Variants in SLAIN2 observed in about 807,000 individuals in gnomAD.
SLAIN2 encodes the protein SLAIN motif-containing protein 2.
SLAIN2 carries 31 observed loss-of-function variants against 56.6 expected under a neutral mutation model. That is an observed-to-expected ratio of 0.55 (90% CI 0.41 to 0.74). The LOEUF (loss-of-function observed/expected upper bound fraction) is 0.74. Among genes scored for constraint, SLAIN2 ranks in the 30% least tolerant of loss-of-function variants. The pLI, the probability that SLAIN2 is intolerant of heterozygous loss-of-function variation, is 0.00. For synonymous variants in SLAIN2, 317 were observed against 284.9 expected (o/e 1.11, Z -1.13); for missense variants, 777 against 754.2 (o/e 1.03, Z -0.35).
rs1577724395 is a variant in SLAIN2, at chr4:48,383,666, T to G, written c.1242T>G (p.Leu414=). The change falls in exon 6 of 8, where the codon CTT becomes CTG. Residue 414 remains leucine (L), a synonymous_variant. Transcript: ENST00000264313. ...VKNEEKLRRS[L]PNLSRTSNTQ... The stretch of plus-strand genomic sequence containing the variant: ...TTGCAGAAAAACTAAGACGCAGTCT[T>G]CCAAACCTGTCCCGAACATCTAATA... The G allele has an allele frequency of 6.3e-7, 1 of 1,597,332 alleles. No homozygotes were observed. Among genetic ancestry groups the G allele is most frequent in the South Asian group, 1.1e-5 (1 of 88,240 alleles).
intron 2 of SLAIN2, among the ~76,000 whole-genome samples, chr4:48,376,580 ATTTT>A (rs1169794654): frequency 2.3e-5 from 3 of 129,106 alleles, no homozygotes; most frequent in Admixed American, 2.3e-4. Context: ...TGCATAGCAC[ATTTT>A]TTTTTTCTTT....
chr4:48,346,049 A>G (rs1218036280), intron 1 of SLAIN2, among the ~76,000 whole-genome samples: 3 of 152,226 alleles, frequency 2.0e-5, no homozygotes, highest in Non-Finnish European at 2.9e-5. Context: ...ATTCTTACCT[A>G]CAATGAAGAA....
In SLAIN2 at chr4:48,378,046, T is replaced by G. The variant is rs759964362; in HGVS notation, c.689T>G (p.Leu230Arg). The change falls in exon 3 of 8, where the codon CTT (leucine) becomes CGT (arginine). Residue 230 changes from leucine to arginine, a missense_variant. Leu to Arg is a moderately radical substitution (Grantham distance 102). Transcript: ENST00000264313. The stretch of plus-strand genomic sequence containing the variant: ...CCTCCTATAGTCAAACAGCTTATAC[T>G]TCCTGGAAATTCAGGTAAGGAGAAA... ...VRPPIVKQLI[L>R]PGNSGNLKSS... 1.9e-6 allele frequency: 3 copies of G among 1,612,316 alleles called. No homozygotes were observed. The highest frequency in any genetic ancestry group is 4.5e-5 in the East Asian group (2 of 44,858).
intron 1 of SLAIN2, among the ~76,000 whole-genome samples, chr4:48,359,217 C>G (rs1715252009): frequency 6.6e-6 from 1 of 152,064 alleles, no homozygotes; most frequent in Admixed American, 6.5e-5. Flanking sequence ...GTTGGGGATT[C>G]TGCATTGAAC....
At chr4:48,356,929 CTG>C (rs1333326326) in intron 1 of SLAIN2, among the ~76,000 whole-genome samples, 1 of 152,062 alleles carries the variant, frequency 6.6e-6, no homozygotes, top group Non-Finnish European at 1.5e-5. Flanking sequence ...TTTGGGTTCA[CTG>C]TGTTGTGTTG....
At chr4:48,404,341 A>G (rs569977776) in intron 6 of SLAIN2, among the ~76,000 whole-genome samples, 81 of 152,334 alleles carry the variant, frequency 5.3e-4, no homozygotes, top group Admixed American at 2.2e-3. Context: ...ATTCAAAATT[A>G]AAAATTGTCT....
At chr4:48,390,534 CTAGT>C (rs1428538535) in intron 6 of SLAIN2, among the ~76,000 whole-genome samples, 1 of 151,884 alleles carries the variant, frequency 6.6e-6, no homozygotes, top group Non-Finnish European at 1.5e-5. Flanking sequence ...TATCATGAAA[CTAGT>C]TATAGTACTA....
At chr4:48,377,333 C>A (rs1304661251) in intron 2 of SLAIN2, among the ~76,000 whole-genome samples, 1 of 119,720 alleles carries the variant, frequency 8.4e-6, no homozygotes, top group Non-Finnish European at 1.7e-5. Flanking sequence ...CCATGCCTGG[C>A]TAATTTTTTT....
chr4:48,344,889 T>C (rs1280192187), intron 1 of SLAIN2, among the ~76,000 whole-genome samples: 1 of 152,190 alleles, frequency 6.6e-6, no homozygotes, highest in Non-Finnish European at 1.5e-5. Flanking sequence ...GCTAAGCTGA[T>C]TTTGTGACCC....
rs1395630723 is a variant in SLAIN2 at position 48,342,145 on chromosome 4, G to A, written c.389+17G>A. ...GGAGAGCTGGTGAGCGCGAGGCGCC[G>A]GGCAGGAGCTGGGCGGGGACGGGCC... On this transcript the variant is annotated intron_variant, in intron 1 of 7. Transcript: ENST00000264313. 1.5e-6 allele frequency: 2 copies of A among 1,338,092 alleles called. No homozygotes were observed. Among genetic ancestry groups the A allele is most frequent in the East Asian group, 6.2e-5 (2 of 32,076 alleles). The allele number at this position is 1,338,092 out of a possible 1,614,324, so 82.9% of individuals were successfully genotyped here.
intron 1 of SLAIN2, among the ~76,000 whole-genome samples, chr4:48,362,744 T>TA (rs1182463185): frequency 3.0e-5 from 4 of 134,220 alleles, no homozygotes; most frequent in Non-Finnish European, 6.3e-5. Context: ...TTTTTTTTTT[T>TA]TTATTCTTTT....
chr4:48,372,897 TA>T (rs1411175619), intron 2 of SLAIN2, among the ~76,000 whole-genome samples: 1 of 152,154 alleles, frequency 6.6e-6, no homozygotes, highest in Admixed American at 6.5e-5. Context: ...GTTTTTTTTT[TA>T]AATACACTTT....
Position 48,341,977 on chromosome 4 carries a change from G to T in SLAIN2, c.238G>T (p.Gly80Trp). 4 of 1,429,390 alleles carry T rather than the reference G, an allele frequency of 2.8e-6. No individual in the cohort carries two copies. Among genetic ancestry groups the T allele is most frequent in the Middle Eastern group, 2.3e-4 (1 of 4,444 alleles). 88.5% of individuals were successfully genotyped at this position (1,429,390 alleles called of 1,614,324 possible). ...GLSAKSGGGP[G>W]SGPRRTSSEE... ...CAGCGCCAAGTCGGGCGGCGGGCCC[G>T]GGTCGGGCCCGAGGCGGACGAGTAG... Residue 80 changes from glycine (G) to tryptophan (W), a missense_variant, in exon 1 of 8, where the codon GGG (glycine) becomes TGG (tryptophan). Physicochemically the swap from Gly to Trp is radical, Grantham distance 184 (BLOSUM62 -2). Coordinates refer to ENST00000264313, the MANE Select transcript of SLAIN2 (RefSeq NM_020846.2).
intron 1 of SLAIN2, among the ~76,000 whole-genome samples, chr4:48,348,205 A>G (rs1714920506): frequency 6.6e-6 from 1 of 152,218 alleles, no homozygotes; most frequent in Admixed American, 6.5e-5. Context: ...TTTTAGTAGA[A>G]GGAAGAATTT....
chr4:48,367,075 G>A (rs1314228331), intron 1 of SLAIN2, among the ~76,000 whole-genome samples: 4 of 152,318 alleles, frequency 2.6e-5, no homozygotes, highest in Non-Finnish European at 4.4e-5. Flanking sequence ...TATTTGTAAT[G>A]AGAGTTTACT....
At chr4:48,380,039 A>C (rs1715929373) in intron 4 of SLAIN2, among the ~76,000 whole-genome samples, 191 bp downstream of exon 4, 1 of 152,082 alleles carries the variant, frequency 6.6e-6, no homozygotes, top group Admixed American at 6.5e-5. Flanking sequence ...CCATTTTTAC[A>C]TAGAGCAGTT....
At chr4:48,373,373 G>A (rs1715720977) in intron 2 of SLAIN2, among the ~76,000 whole-genome samples, 1 of 152,026 alleles carries the variant, frequency 6.6e-6, no homozygotes, top group Non-Finnish European at 1.5e-5. Context: ...GGTTTAGGTT[G>A]CCCCAGATCT....
chr4:48,422,221 C>T lies in SLAIN2; in HGVS notation c.*144C>T, dbSNP rs1038293733. 4 of 612,838 alleles carry T rather than the reference C, an allele frequency of 6.5e-6. No individual in the cohort carries two copies. The highest frequency in any genetic ancestry group is 2.8e-5 in the East Asian group (1 of 35,740). The allele number at this position is 612,838 out of a possible 1,614,324, so 38.0% of individuals were successfully genotyped here. A position where few individuals can be genotyped will look rare whatever the true frequency, so the allele number is the denominator to read the frequency against. On this transcript the variant is annotated 3_prime_UTR_variant, in exon 8 of 8. Coordinates refer to ENST00000264313, the MANE Select transcript of SLAIN2 (RefSeq NM_020846.2). ...CCTCTCTGTCTTAATTAGCACAAAC[C>T]GACAGAGATCATCAAACAGCACTTT...
At chr4:48,367,245 A>G (rs1167709141) in intron 1 of SLAIN2, among the ~76,000 whole-genome samples, 1 of 152,252 alleles carries the variant, frequency 6.6e-6, no homozygotes, top group Non-Finnish European at 1.5e-5. Flanking sequence ...TTTTGTGCCA[A>G]TATCATACGG....
Sources: allele counts gnomAD v4.1 joint callset (sites outside exome capture counted in the v4.1 genomes callset), GRCh38; gene constraint gnomAD v4.1.1; transcripts MANE v1.5; gene names NCBI Gene and HGNC (gene_info 2026-07-23, HGNC 2026-07-21).